The following CYP3A4 variants were observed in gnomAD, a reference collection of about 807,000 sequenced individuals.
CYP3A4 encodes cytochrome P450 family 3 subfamily A member 4, also known as cytochrome P450 3A4.
A neutral mutation model predicts 54.9 loss-of-function variants in CYP3A4; 41 were observed. The ratio of observed to expected loss-of-function variants is 0.75; its 90% CI spans 0.58 to 0.97. CYP3A4 has a LOEUF of 0.97. Ranked by LOEUF, CYP3A4 falls within the 50% of genes least tolerant of loss-of-function variation. The pLI is 0.00. For synonymous variants in CYP3A4, 179 were observed against 205.2 expected (o/e 0.87, Z 1.09); for missense variants, 510 against 597.3 (o/e 0.85, Z 1.52).
intron 2 of CYP3A4, 42 bp downstream of exon 2, chr7:99,779,950 G>A (rs758743715): frequency 7.9e-5 from 123 of 1,564,932 alleles, no homozygotes; most frequent in Non-Finnish European, 1.1e-4. Flanking sequence ...AGCTGCTCTT[G>A]GCAATCATAA....
rs544682409 is a variant in CYP3A4 at position 99,760,266 on chromosome 7, T to C, written c.1416+553A>G. Among the ~76,000 whole-genome samples the C allele has an allele frequency of 1.3e-4, 20 of 152,310 alleles. No individual in the cohort carries two copies. In the East Asian group the frequency reaches 2.9e-3, roughly 22 times the overall value. The stretch of plus-strand genomic sequence containing the variant: ...TCCTTTATATCCACCAGAAATGCCT[T>C]AAATTAGTCATTCTCAACCTTGGCT... On this transcript the variant is annotated intron_variant, in intron 12 of 12. Coordinates refer to ENST00000651514, the MANE Select transcript of CYP3A4 (RefSeq NM_017460.6).
At chr7:99,780,206 TAATAAC>T in intron 1 of CYP3A4, 121 bp from the exon 2 acceptor site, 1 of 934,046 alleles carries the variant, frequency 1.1e-6, no homozygotes, top group South Asian at 1.5e-5. Flanking sequence ...AGGCAAGAAA[TAATAAC>T]AGTAACTCTG....
At chr7:99,761,447 C>T (rs887619335) in intron 11 of CYP3A4, among the ~76,000 whole-genome samples, 8 of 151,876 alleles carry the variant, frequency 5.3e-5, no homozygotes, top group Non-Finnish European at 1.2e-4. Flanking sequence ...TTCTAATTCT[C>T]CTCCTTCTCC....
At position 99,758,129 on chromosome 7, in the gene CYP3A4, A is replaced by G. The variant is rs1336231774; in HGVS notation, c.*4T>C. The G allele has an allele frequency of 6.2e-7, 1 of 1,613,316 alleles. No homozygotes were observed. On this transcript the variant is annotated 3_prime_UTR_variant, in exon 13 of 13. Transcript: ENST00000651514. ...AAGAGCAAAGCAGAAGTCCTTAGGA[A>G]AATTCAGGCTCCACTTACGGTGCCA...
rs56187094 is a variant in CYP3A4, at chr7:99,780,125, CT to C, written c.72-41del. 3.1e-5 allele frequency: 49 copies of C among 1,589,958 alleles called. No individual in the cohort carries two copies. The East Asian group carries it at 1.1e-3, about 34-fold the overall frequency. The stretch of plus-strand genomic sequence containing the variant: ...AGAAATCAAGTCACAGCGATTGTGA[CT>C]TTATAGATATAGGGGTTGATGAGTC... On this transcript the variant is annotated intron_variant, in intron 1 of 12. Transcript: ENST00000651514.
At chr7:99,770,029 AC>A (rs1815588022) in intron 5 of CYP3A4, 92 bp downstream of exon 5, 1 of 1,517,062 alleles carries the variant, frequency 6.6e-7, no homozygotes, top group Non-Finnish European at 9.1e-7. Context: ...TCAGTGGACT[AC>A]CCCTTGGAAA....
rs113554736 is a variant in CYP3A4, at chr7:99,759,841, AT to A, written c.1416+977del. On this transcript the variant is annotated intron_variant, in intron 12 of 12. Coordinates refer to ENST00000651514, the MANE Select transcript of CYP3A4 (RefSeq NM_017460.6). ...ACAAAATGAGGAGAAAGGGAACAACATTTTTTTTTTTTTGAGACAGAGTCTC... is the reference window on the plus strand; with the variant it reads ...ACAAAATGAGGAGAAAGGGAACAACATTTTTTTTTTTTGAGACAGAGTCTC... Among the ~76,000 whole-genome samples, 685 of 143,922 alleles carry A rather than the reference AT, an allele frequency of 4.8e-3. 2 individuals are homozygous for A. Among genetic ancestry groups the A allele is most frequent in the African/African-American group, 0.01 (403 of 39,820 alleles). The allele number at this position is 143,922 out of a possible 152,430, so 94.4% of individuals were successfully genotyped here.
In CYP3A4 at chr7:99,756,967, T is replaced by C. The variant is rs1815190842; in HGVS notation, c.*1166A>G. The C allele has an allele frequency of 6.6e-6, 1 of 152,206 alleles. No homozygotes were observed. Among genetic ancestry groups the C allele is most frequent in the South Asian group, 2.1e-4 (1 of 4,824 alleles). 9.4% of individuals were successfully genotyped at this position (152,206 alleles called of 1,614,324 possible). A position where few individuals can be genotyped will look rare whatever the true frequency, so the allele number is the denominator to read the frequency against. On this transcript the variant is annotated 3_prime_UTR_variant, in exon 13 of 13. Coordinates refer to ENST00000651514, the MANE Select transcript of CYP3A4 (RefSeq NM_017460.6). ...AAAGGAATGAGTGCTTTTAGGCTTA[T>C]TGCTCAATCAATTGACCAATCGACT...
intron 9 of CYP3A4, 92 bp from the exon 10 acceptor site, chr7:99,764,107 C>T: frequency 6.3e-7 from 1 of 1,576,820 alleles, no homozygotes; most frequent in Admixed American, 1.7e-5. Flanking sequence ...GCCCTCAAAT[C>T]CCTAAGGGAA....
intron 12 of CYP3A4, 138 bp from the exon 13 acceptor site, chr7:99,758,366 C>CA (rs1212531797): frequency 3.6e-5 from 34 of 936,790 alleles, no homozygotes; most frequent in Admixed American, 9.4e-5. Flanking sequence ...GAGTAATGGG[C>CA]AAAAAAAATG....
chr7:99,758,112 A>C lies in CYP3A4; in HGVS notation c.*21T>G. 1 of 1,600,864 alleles carries C rather than the reference A, an allele frequency of 6.2e-7. No individual in the cohort carries two copies. Among genetic ancestry groups the C allele is most frequent in the African/African-American group, 1.3e-5 (1 of 74,822 alleles). On this transcript the variant is annotated 3_prime_UTR_variant, in exon 13 of 13. Transcript: ENST00000651514. The stretch of plus-strand genomic sequence containing the variant: ...CAGGCACAGATTTCTTGAAGAGCAA[A>C]GCAGAAGTCCTTAGGAAAATTCAGG...
chr7:99,772,376 G>C (rs567693452), intron 4 of CYP3A4, among the ~76,000 whole-genome samples: 1 of 152,232 alleles, frequency 6.6e-6, no homozygotes, highest in African/African-American at 2.4e-5. Context: ...TCTGTGAACT[G>C]TATCAATGTC....
At chr7:99,778,675 G>A (rs1196051350) in intron 2 of CYP3A4, among the ~76,000 whole-genome samples, 1 of 152,154 alleles carries the variant, frequency 6.6e-6, no homozygotes, top group Non-Finnish European at 1.5e-5. Context: ...AGCTTAACAT[G>A]GAAGTTCTGA....
At chr7:99,779,859 G>T in intron 2 of CYP3A4, 133 bp downstream of exon 2, 1 of 795,674 alleles carries the variant, frequency 1.3e-6, no homozygotes, top group Non-Finnish European at 2.0e-6. Flanking sequence ...CCATGTTCTG[G>T]GTGATGCCTA....
intron 1 of CYP3A4, among the ~76,000 whole-genome samples, chr7:99,781,723 T>A (rs1206850819): frequency 1.3e-5 from 2 of 152,200 alleles, no homozygotes; most frequent in East Asian, 3.8e-4. Flanking sequence ...AATGGATCCA[T>A]ATGCTTCATA....
intron 4 of CYP3A4, 128 bp downstream of exon 4, chr7:99,772,462 G>T (rs1448740784): frequency 1.0e-5 from 11 of 1,101,066 alleles, no homozygotes; most frequent in South Asian, 5.8e-5. Context: ...TACCATTCGG[G>T]GGGGACAGGA....
intron 12 of CYP3A4, among the ~76,000 whole-genome samples, chr7:99,759,848 T>C (rs1815271780): frequency 6.6e-6 from 1 of 151,876 alleles, no homozygotes; most frequent in Non-Finnish European, 1.5e-5. Context: ...AACATTTTTT[T>C]TTTTTTGAGA....
chr7:99,760,213 C>A (rs573581708), intron 12 of CYP3A4, among the ~76,000 whole-genome samples: 1 of 152,312 alleles, frequency 6.6e-6, no homozygotes, highest in East Asian at 1.9e-4. Flanking sequence ...AAGGTGAGGT[C>A]AGTCAGGATG....
chr7:99,777,185 A>G (rs1296401915), intron 3 of CYP3A4, among the ~76,000 whole-genome samples: 1 of 152,244 alleles, frequency 6.6e-6, no homozygotes, highest in East Asian at 1.9e-4. Context: ...GAAGGAGATG[A>G]TATGATGTAT....
Sources: allele counts gnomAD v4.1 joint callset (sites outside exome capture counted in the v4.1 genomes callset), GRCh38; gene constraint gnomAD v4.1.1; transcripts MANE v1.5; gene names NCBI Gene and HGNC (gene_info 2026-07-23, HGNC 2026-07-21).